Variants in ACER3 observed in about 807,000 individuals in gnomAD.
ACER3 encodes alkCDase 3.
ACER3 carries 16 observed loss-of-function variants against 48.9 expected under a neutral mutation model. The observed-to-expected ratio is 0.33, with a 90% CI of 0.22 to 0.50. The LOEUF is 0.50. ACER3 is among the 20% of genes least tolerant of loss of function. The probability of loss-of-function intolerance (pLI) is 0.98; values close to 1 mark genes in which losing one functional copy is unlikely to be tolerated. For synonymous variants in ACER3, 109 were observed against 107.8 expected (o/e 1.01, Z -0.07); for missense variants, 227 against 326.0 (o/e 0.70, Z 2.34).
Position 77,022,868 on chromosome 11 carries a change from CAAAAAAAAAAAAAAAA to C in ACER3, c.*2550_*2565del, listed in dbSNP as rs10565723. On this transcript the variant is annotated 3_prime_UTR_variant, in exon 11 of 11. Transcript: ENST00000532485. ...ATGGTGGCAGAGCGAGACTCCGTCT[CAAAAAAAAAAAAAAAA>C]AAAAAAAAGAAAAGAAAAGAAAATA... The C allele has an allele frequency of 3.3e-4, 93 of 281,262 alleles. No homozygotes were observed. The highest frequency in any genetic ancestry group is 3.8e-4 in the Non-Finnish European group (60 of 158,498). 17.4% of individuals were successfully genotyped at this position (281,262 alleles called of 1,614,324 possible).
chr11:76,933,260 C>T (rs1330079433), intron 2 of ACER3, among the ~76,000 whole-genome samples: 2 of 139,664 alleles, frequency 1.4e-5, no homozygotes, highest in East Asian at 2.1e-4. Flanking sequence ...TTTTTTAGCA[C>T]ATACTTATAA....
chr11:76,864,668 C>T (rs1159409569), intron 1 of ACER3, among the ~76,000 whole-genome samples: 3 of 137,998 alleles, frequency 2.2e-5, no homozygotes, highest in East Asian at 2.1e-4. Context: ...GTCGCGATCT[C>T]GGCTCACTGC....
chr11:77,005,991 ATTTTTTT>A (rs1228374444), intron 7 of ACER3, among the ~76,000 whole-genome samples: 2 of 100,874 alleles, frequency 2.0e-5, no homozygotes, highest in African/African-American at 7.9e-5. Flanking sequence ...ATATATATAT[ATTTTTTT>A]TTTTTTTTGA....
intron 3 of ACER3, among the ~76,000 whole-genome samples, chr11:76,964,943 G>A (rs1016174490): frequency 6.6e-6 from 1 of 151,326 alleles, no homozygotes; most frequent in African/African-American, 2.5e-5. Context: ...ACCAGCAATG[G>A]AACAAAGCTG....
Position 76,926,596 on chromosome 11 carries a change from T to C in ACER3, c.143T>C (p.Met48Thr), listed in dbSNP as rs1268099980. ...VSNLIMIIPPMFGAVQSVRDG... is the reference protein window; with the variant it reads ...VSNLIMIIPPTFGAVQSVRDG... The stretch of plus-strand genomic sequence containing the variant: ...AACCTGATCATGATTATACCTCCAA[T>C]GTTCGGTGCAGTTCAGAGTGTTAGA... The change falls in exon 2 of 11, where the codon ATG (methionine) becomes ACG (threonine). Residue 48 changes from methionine (M) to threonine (T), a missense_variant. Physicochemically the swap from Met to Thr is moderately conservative, Grantham distance 81. Around this residue, in one of 3 missense-constraint regions of ACER3, gnomAD observed 195 missense variants for 290.8 expected, o/e 0.67. Coordinates refer to ENST00000532485, the MANE Select transcript of ACER3 (RefSeq NM_018367.7). The C allele has an allele frequency of 6.2e-7, 1 of 1,609,438 alleles. No individual in the cohort carries two copies. The highest frequency in any genetic ancestry group is 8.5e-7 in the Non-Finnish European group (1 of 1,176,100).
In ACER3 at chr11:76,945,328, T is replaced by C. The variant is rs963281405; in HGVS notation, c.215-13651T>C. ...TGATATCTAAACATCTGGTTTAGTA[T>C]TCACTTGTTCCAATTTTTTGAAATT... On this transcript the variant is annotated intron_variant, in intron 2 of 10. Transcript: ENST00000532485. 6.6e-5 allele frequency among the ~76,000 whole-genome samples: 10 copies of C among 152,338 alleles called. No individual in the cohort carries two copies. The East Asian group carries it at 7.7e-4, about 12-fold the overall frequency.
intron 2 of ACER3, among the ~76,000 whole-genome samples, chr11:76,953,592 T>C (rs1448116021): frequency 6.6e-6 from 1 of 152,048 alleles, no homozygotes; most frequent in Admixed American, 6.6e-5. Context: ...AGTGAGACTC[T>C]GTCTCAAAAA....
chr11:76,931,183 CTCT>C (rs1292203098), intron 2 of ACER3, among the ~76,000 whole-genome samples: 1 of 133,972 alleles, frequency 7.5e-6, no homozygotes, highest in African/African-American at 2.9e-5. Flanking sequence ...GGATAGTTAG[CTCT>C]TCTTGTTGAA....
At chr11:76,862,540 C>A (rs142035344) in intron 1 of ACER3, among the ~76,000 whole-genome samples, 1 of 152,174 alleles carries the variant, frequency 6.6e-6, no homozygotes, top group East Asian at 1.9e-4. Context: ...AGAACCATGA[C>A]CACGAGGAAA....
At chr11:76,927,136 A>G (rs1043422720) in intron 2 of ACER3, among the ~76,000 whole-genome samples, 19 of 152,246 alleles carry the variant, frequency 1.2e-4, no homozygotes, top group African/African-American at 3.9e-4. Context: ...ATGTATGTAT[A>G]TATCCTTAGA....
chr11:76,894,665 A>T (rs888391393), intron 1 of ACER3, among the ~76,000 whole-genome samples: 9 of 152,228 alleles, frequency 5.9e-5, no homozygotes, highest in African/African-American at 2.2e-4. Flanking sequence ...TGACAAGAAT[A>T]TGAGCTGGGC....
chr11:77,018,627 A>G (rs1238545779), intron 9 of ACER3, among the ~76,000 whole-genome samples: 3 of 152,252 alleles, frequency 2.0e-5, no homozygotes, highest in African/African-American at 7.2e-5. Flanking sequence ...GGAAATTAAA[A>G]GTGCTACTCC....
At chr11:77,000,189 T>C (rs1412688141) in intron 7 of ACER3, among the ~76,000 whole-genome samples, 1 of 152,196 alleles carries the variant, frequency 6.6e-6, no homozygotes, top group Non-Finnish European at 1.5e-5. Flanking sequence ...ACGTTGAACA[T>C]ACCTTCCATG....
At chr11:77,014,582 C>T (rs1949329205) in intron 7 of ACER3, among the ~76,000 whole-genome samples, 1 of 152,248 alleles carries the variant, frequency 6.6e-6, no homozygotes, top group South Asian at 2.1e-4. Flanking sequence ...CACTATCACC[C>T]TGCCTTTTCC....
At chr11:76,885,331 A>G (rs969663051) in intron 1 of ACER3, among the ~76,000 whole-genome samples, 6 of 152,094 alleles carry the variant, frequency 3.9e-5, no homozygotes, top group African/African-American at 1.4e-4. Flanking sequence ...TGTGCAGAAC[A>G]TGCAGGTTTA....
chr11:76,938,307 A>G (rs1349282188), intron 2 of ACER3, among the ~76,000 whole-genome samples: 2 of 152,100 alleles, frequency 1.3e-5, no homozygotes, highest in East Asian at 3.9e-4. Flanking sequence ...GACCCATTGC[A>G]TTAGAAAAGC....
chr11:76,904,595 G>A (rs1473112265), intron 1 of ACER3, among the ~76,000 whole-genome samples: 1 of 151,638 alleles, frequency 6.6e-6, no homozygotes, highest in Non-Finnish European at 1.5e-5. Context: ...TCATGGACGT[G>A]GTCACTCATA....
intron 2 of ACER3, among the ~76,000 whole-genome samples, chr11:76,951,610 C>T (rs937590344): frequency 6.6e-6 from 1 of 152,170 alleles, no homozygotes; most frequent in African/African-American, 2.4e-5. Context: ...TATTTTATTT[C>T]TCCCCCTTCC....
intron 9 of ACER3, among the ~76,000 whole-genome samples, chr11:77,018,407 G>C (rs564442546): frequency 1.3e-5 from 2 of 152,156 alleles, no homozygotes; most frequent in Non-Finnish European, 2.9e-5. Flanking sequence ...CTAAGAGAAA[G>C]CAAAATTAAA....
Sources: gnomAD v4.1 joint callset for allele counts (sites outside exome capture counted in the v4.1 genomes callset) on GRCh38, gnomAD v4.1.1 for gene constraint, gnomAD v4.1.1 regional missense constraint, MANE v1.5 for transcripts, NCBI Gene and HGNC (gene_info 2026-07-23, HGNC 2026-07-21) for gene names.